TBC1D15: variants seen among roughly 807,000 people sequenced by gnomAD.
TBC1D15 encodes GAP for RAB7.
Under a neutral mutation model 95.4 loss-of-function variants are expected in TBC1D15, and 39 were observed. The ratio of observed to expected loss-of-function variants is 0.41; its 90% CI spans 0.32 to 0.53. The LOEUF (loss-of-function observed/expected upper bound fraction) is 0.53, where lower values mean the gene tolerates loss of function less well. Ranked by LOEUF, TBC1D15 falls within the 20% of genes least tolerant of loss-of-function variation. The pLI, the probability that TBC1D15 is intolerant of heterozygous loss-of-function variation, is 0.29. For synonymous variants in TBC1D15, 258 were observed against 261.3 expected (o/e 0.99, Z 0.12); for missense variants, 733 against 794.3 (o/e 0.92, Z 0.93).
At chr12:71,849,391 A>ATG in intron 1 of TBC1D15, 1 of 1,393,998 alleles carries the variant, frequency 7.2e-7, no homozygotes, top group Non-Finnish European at 1.0e-6. Context: ...CCTCCAGCTG[A>ATG]GCCACTTCCC....
Position 71,893,218 on chromosome 12 carries a change from A to G in TBC1D15, c.555-4A>G, listed in dbSNP as rs368536149. On this transcript the variant is annotated splice_region_variant and splice_polypyrimidine_tract_variant and intron_variant, in intron 5 of 16. Coordinates refer to ENST00000485960, the MANE Select transcript of TBC1D15 (RefSeq NM_001146213.3). ...TTTTCTACAAATCCTCTTTTTTATTATAGATCTCCACAGGATAAAAGAACA... is the reference window on the plus strand; with the variant it reads ...TTTTCTACAAATCCTCTTTTTTATTGTAGATCTCCACAGGATAAAAGAACA... 2.7e-5 allele frequency: 42 copies of G among 1,567,752 alleles called. No homozygotes were observed. Among genetic ancestry groups the G allele is most frequent in the Non-Finnish European group, 3.5e-5 (41 of 1,156,454 alleles).
At chr12:71,893,440 A>ACG (rs139574467) in intron 6 of TBC1D15, 116 bp downstream of exon 6, 38 of 470,152 alleles carry the variant, frequency 8.1e-5, no homozygotes, top group African/African-American at 7.0e-4. Context: ...ATACATAGAT[A>ACG]TGTGTGTGTG....
intron 10 of TBC1D15, among the ~76,000 whole-genome samples, chr12:71,903,531 G>T (rs528057708): frequency 6.6e-6 from 1 of 152,228 alleles, no homozygotes; most frequent in Non-Finnish European, 1.5e-5. Flanking sequence ...ATGTCCAAAG[G>T]GGTATAAATC....
intron 1 of TBC1D15, among the ~76,000 whole-genome samples, chr12:71,864,403 T>C (rs1412050887): frequency 6.6e-6 from 1 of 152,128 alleles, no homozygotes; most frequent in East Asian, 1.9e-4. Context: ...CCTCCATTGA[T>C]GTCCTTGCAT....
At chr12:71,909,351 C>T (rs958837181) in intron 11 of TBC1D15, among the ~76,000 whole-genome samples, 1 of 152,138 alleles carries the variant, frequency 6.6e-6, no homozygotes, top group Non-Finnish European at 1.5e-5. Flanking sequence ...GGCTTCTTAA[C>T]CCATAGGTGA....
At chr12:71,875,140 T>C (rs772952126) in intron 3 of TBC1D15, among the ~76,000 whole-genome samples, 5 of 152,116 alleles carry the variant, frequency 3.3e-5, no homozygotes, top group Admixed American at 6.5e-5. Context: ...GGTTTCAGCA[T>C]GTTGGCTAGG....
At chr12:71,903,762 A>G (rs1291369410) in intron 10 of TBC1D15, among the ~76,000 whole-genome samples, 1 of 152,194 alleles carries the variant, frequency 6.6e-6, no homozygotes, top group African/African-American at 2.4e-5. Flanking sequence ...AATGCAGAAA[A>G]CCAATACCAC....
At chr12:71,886,616 C>T (rs1212936932) in intron 5 of TBC1D15, among the ~76,000 whole-genome samples, 1 of 152,174 alleles carries the variant, frequency 6.6e-6, no homozygotes, top group African/African-American at 2.4e-5. Flanking sequence ...TATTTTCTGG[C>T]CTGAGATTCT....
chr12:71,869,264 T>C (rs1198127365), intron 1 of TBC1D15, among the ~76,000 whole-genome samples: 1 of 152,182 alleles, frequency 6.6e-6, no homozygotes, highest in African/African-American at 2.4e-5. Flanking sequence ...GGCTCATGCC[T>C]GTAATCCCAG....
intron 1 of TBC1D15, among the ~76,000 whole-genome samples, chr12:71,858,486 TTC>T (rs1471401054): frequency 1.6e-5 from 2 of 127,732 alleles, no homozygotes; most frequent in African/African-American, 3.6e-5. Context: ...CATGCTGATT[TTC>T]TTTTTTTTTT....
chr12:71,895,199 C>T (rs1193339740), intron 7 of TBC1D15, among the ~76,000 whole-genome samples: 2 of 151,982 alleles, frequency 1.3e-5, no homozygotes, highest in African/African-American at 2.4e-5. Context: ...TCCTTACTTG[C>T]ATGTTTTCTC....
intron 16 of TBC1D15, among the ~76,000 whole-genome samples, chr12:71,922,264 T>C (rs929477521): frequency 4.6e-5 from 7 of 152,300 alleles, no homozygotes; most frequent in Non-Finnish European, 1.0e-4. Flanking sequence ...TTTGTATTTT[T>C]AGTAGAGACG....
intron 1 of TBC1D15, among the ~76,000 whole-genome samples, chr12:71,865,217 G>C (rs768906811): frequency 6.6e-6 from 1 of 152,210 alleles, no homozygotes; most frequent in African/African-American, 2.4e-5. Context: ...TGCTCTGGCT[G>C]TGTTGGATGT....
intron 1 of TBC1D15, among the ~76,000 whole-genome samples, chr12:71,865,473 G>A (rs1891291227): frequency 6.6e-6 from 1 of 152,148 alleles, no homozygotes; most frequent in Non-Finnish European, 1.5e-5. Context: ...CTGGGTAGTA[G>A]TGACTCAAGA....
At position 71,913,921 on chromosome 12, in the gene TBC1D15, CA is replaced by C. The variant is rs772857182; in HGVS notation, c.1399del (p.Met467CysfsTer12). 6.3e-7 allele frequency: 1 copy of C among 1,585,116 alleles called. No homozygotes were observed. The highest frequency in any genetic ancestry group is 1.8e-5 in the Admixed American group (1 of 54,404). ...AFWCFASYMD[Q>X]MHQNFEEQMQ... is the part of the protein sequence containing the mutation. ...TTGGTGCTTTGCCTCTTACATGGAC[CA>C]AATGGTAAGAACAGAGATTCCTTCC... On this transcript the variant is annotated frameshift_variant, in exon 12 of 17. Transcript: ENST00000485960. LOFTEE classifies it high-confidence loss of function.
chr12:71,899,482 G>A (rs1006520247), intron 10 of TBC1D15, among the ~76,000 whole-genome samples: 1 of 152,112 alleles, frequency 6.6e-6, no homozygotes, highest in Non-Finnish European at 1.5e-5. Flanking sequence ...TAGTTTTAAA[G>A]CATTCTTTTT....
At chr12:71,855,331 C>T (rs1888782086) in intron 1 of TBC1D15, among the ~76,000 whole-genome samples, 1 of 152,070 alleles carries the variant, frequency 6.6e-6, no homozygotes, top group South Asian at 2.1e-4. Flanking sequence ...TTGTGTTTAT[C>T]ACCAGTAATT....
At chr12:71,857,332 T>C (rs1283841559) in intron 1 of TBC1D15, among the ~76,000 whole-genome samples, 3 of 152,208 alleles carry the variant, frequency 2.0e-5, no homozygotes, top group African/African-American at 4.8e-5. Context: ...ACAAATGTTA[T>C]GTGAGATGAA....
intron 6 of TBC1D15, 168 bp from the exon 7 acceptor site, chr12:71,894,518 A>G: frequency 2.5e-6 from 3 of 1,184,350 alleles, no homozygotes; most frequent in African/African-American, 1.6e-5. Context: ...TAGAAAATTT[A>G]AATTTTTCTT....
Sources: allele counts gnomAD v4.1 joint callset (sites outside exome capture counted in the v4.1 genomes callset), GRCh38; gene constraint gnomAD v4.1.1; transcripts MANE v1.5; gene names NCBI Gene and HGNC (gene_info 2026-07-23, HGNC 2026-07-21).